The following GARRE1 variants were observed in gnomAD, a reference collection of about 807,000 sequenced individuals.
The protein encoded by GARRE1 is granule associated Rac and RHOG effector 1, also known as granule associated Rac and RHOG effector protein 1.
GARRE1 carries 49 observed loss-of-function variants against 103.2 expected under a neutral mutation model. That is an observed-to-expected ratio of 0.47 (90% confidence interval 0.38 to 0.60). The LOEUF is 0.60. GARRE1 is among the 20% of genes least tolerant of loss of function. GARRE1 has a pLI of 0.00. For missense variants in GARRE1, 1,199 were observed against 1,370.5 expected, an observed-to-expected ratio of 0.87 and a Z score of 1.98; for synonymous variants, 505 against 532.8, an observed-to-expected ratio of 0.95 and a Z score of 0.72.
At chr19:34,348,079 A>G (rs780025055) in intron 11 of GARRE1, 37 bp downstream of exon 11, 1 of 1,384,952 alleles carries the variant, frequency 7.2e-7, no homozygotes, top group Admixed American at 2.8e-5. Flanking sequence ...TGAGCTTGAG[A>G]CCCAGGTGTC....
chr19:34,254,796 G>A (rs981558612), intron 1 of GARRE1, among the ~76,000 whole-genome samples, 182 bp downstream of exon 1: 26 of 149,484 alleles, frequency 1.7e-4, no homozygotes, highest in Admixed American at 4.0e-4. Flanking sequence ...CGCCCGCTGT[G>A]GAGGACGCCG....
intron 3 of GARRE1, among the ~76,000 whole-genome samples, chr19:34,320,560 G>A (rs1216366871): frequency 6.6e-6 from 1 of 152,202 alleles, no homozygotes; most frequent in Non-Finnish European, 1.5e-5. Context: ...GAGCAGGAGT[G>A]TTTGGCAGAC....
At chr19:34,325,384 A>T (rs2074106913) in intron 3 of GARRE1, among the ~76,000 whole-genome samples, 1 of 152,130 alleles carries the variant, frequency 6.6e-6, no homozygotes, top group African/African-American at 2.4e-5. Context: ...CAGGTGGCTC[A>T]GGCGTAGCCT....
intron 3 of GARRE1, among the ~76,000 whole-genome samples, chr19:34,326,781 A>C (rs748516407): frequency 6.6e-6 from 1 of 152,010 alleles, no homozygotes; most frequent in Non-Finnish European, 1.5e-5. Context: ...GAGTATATAC[A>C]CACATATATA....
chr19:34,305,088 G>A (rs1353206950), intron 2 of GARRE1, among the ~76,000 whole-genome samples: 4 of 152,166 alleles, frequency 2.6e-5, no homozygotes, highest in African/African-American at 4.8e-5. Flanking sequence ...CACCGTGCCC[G>A]GCGGGCTTGT....
In GARRE1 at chr19:34,349,028, C is replaced by T. The variant is rs150651317; in HGVS notation, c.2700C>T (p.His900=). The change falls in exon 12 of 14, where the codon CAC becomes CAT. Residue 900 remains histidine (H), a synonymous_variant. Transcript: ENST00000299505. ...PEFFTEGDGL[H]GGWSGAQGDS... is the part of the protein sequence containing the mutation. ...CTCTGGCTTTCAGGGATGGCCTGCA[C>T]GGTGGCTGGTCGGGTGCTCAGGGAG... is the stretch of plus-strand genomic sequence containing the variant. The T allele has an allele frequency of 5.8e-5, 94 of 1,611,024 alleles. No individual in the cohort carries two copies. The highest frequency in any genetic ancestry group is 3.3e-4 in the Middle Eastern group (2 of 6,078).
At chr19:34,305,608 C>T (rs1441908823) in intron 2 of GARRE1, among the ~76,000 whole-genome samples, 1 of 152,164 alleles carries the variant, frequency 6.6e-6, no homozygotes, top group African/African-American at 2.4e-5. Flanking sequence ...GCTTTCCAAC[C>T]CTGGAGGGCA....
chr19:34,307,322 G>A (rs1250278710), intron 2 of GARRE1, among the ~76,000 whole-genome samples: 1 of 152,030 alleles, frequency 6.6e-6, no homozygotes, highest in Non-Finnish European at 1.5e-5. Context: ...TAGCTCCAGG[G>A]CTCTGGTTTT....
intron 2 of GARRE1, among the ~76,000 whole-genome samples, chr19:34,304,003 T>A (rs2073994270): frequency 6.6e-6 from 1 of 152,228 alleles, no homozygotes; most frequent in Admixed American, 6.5e-5. Context: ...GGATGGGGTT[T>A]GGCCGATGGG....
At chr19:34,339,654 A>G (rs1482380270) in intron 8 of GARRE1, among the ~76,000 whole-genome samples, 1 of 152,236 alleles carries the variant, frequency 6.6e-6, no homozygotes, top group African/African-American at 2.4e-5. Context: ...ATATTCTGAT[A>G]TCATGAGACC....
chr19:34,331,242 CAG>C (rs1199536213), intron 7 of GARRE1, among the ~76,000 whole-genome samples: 1 of 152,226 alleles, frequency 6.6e-6, no homozygotes, highest in East Asian at 1.9e-4. Flanking sequence ...AACAAGTTGA[CAG>C]GGCCACTTGA....
Position 34,355,010 on chromosome 19 carries a change from T to TA in GARRE1, c.*2058dup, listed in dbSNP as rs1442867660. On this transcript the variant is annotated 3_prime_UTR_variant, in exon 14 of 14. Transcript: ENST00000299505. ...TCACGGTGTGCACACTAATCTCTGT[T>TA]AAAGTTGTCTATGGCTGTTCTACTT... The TA allele has an allele frequency of 6.5e-6, 1 of 152,708 alleles. No homozygotes were observed. Among genetic ancestry groups the TA allele is most frequent in the Non-Finnish European group, 1.5e-5 (1 of 68,058 alleles). The allele number at this position is 152,708 out of a possible 1,614,324, so 9.5% of individuals were successfully genotyped here.
intron 10 of GARRE1, among the ~76,000 whole-genome samples, chr19:34,344,927 C>A (rs1056557525): frequency 4.6e-5 from 7 of 152,126 alleles, no homozygotes; most frequent in Admixed American, 2.0e-4. Flanking sequence ...CAAGCTCCGC[C>A]TCCCGAGTTC....
chr19:34,327,382 C>T (rs1156349108), intron 3 of GARRE1, 39 bp from the exon 4 acceptor site: 1 of 1,603,744 alleles, frequency 6.2e-7, no homozygotes, highest in Non-Finnish European at 8.5e-7. Context: ...TAGAACTGTA[C>T]CACCCTCTTT....
chr19:34,264,855 C>T (rs149507585), intron 1 of GARRE1, among the ~76,000 whole-genome samples: 2 of 152,292 alleles, frequency 1.3e-5, no homozygotes, highest in Admixed American at 6.5e-5. Flanking sequence ...TAACAATCCT[C>T]GTAATGCAGG....
chr19:34,299,923 G>A lies in GARRE1; in HGVS notation c.-551G>A, dbSNP rs1191887307. On this transcript the variant is annotated 5_prime_UTR_variant, in exon 2 of 14. Transcript: ENST00000299505. ...AGCATTGCATAGAAGCAGCCTTACA[G>A]GTAAACGGATTTGACGGGCAGGCTC... 6.6e-6 allele frequency: 1 copy of A among 152,224 alleles called. No individual in the cohort carries two copies. Among genetic ancestry groups the A allele is most frequent in the East Asian group, 1.9e-4 (1 of 5,202 alleles). The allele number at this position is 152,224 out of a possible 1,614,324, so 9.4% of individuals were successfully genotyped here. A position where few individuals can be genotyped will look rare whatever the true frequency, so the allele number is the denominator to read the frequency against.
chr19:34,324,503 C>G (rs1283736564), intron 3 of GARRE1, among the ~76,000 whole-genome samples: 1 of 135,478 alleles, frequency 7.4e-6, no homozygotes, highest in East Asian at 2.1e-4. Context: ...CACCAGTGCA[C>G]TTTTTTTTTT....
In GARRE1 at chr19:34,256,263, G is replaced by C. The variant is rs946021292; in HGVS notation, c.-796+1649G>C. On this transcript the variant is annotated intron_variant, in intron 1 of 13. Coordinates refer to ENST00000299505, the MANE Select transcript of GARRE1 (RefSeq NM_014686.5). ...GCGATGGCTCATGCCTGTAATCCCA[G>C]CACTTTGGGAGGCCGAGGCGGGCGG... Among the ~76,000 whole-genome samples the C allele has an allele frequency of 2.0e-5, 3 of 151,640 alleles. No individual in the cohort carries two copies. In the South Asian group the frequency reaches 6.3e-4, roughly 32 times the overall value.
At chr19:34,295,948 T>C (rs544548520) in intron 1 of GARRE1, among the ~76,000 whole-genome samples, 1 of 152,356 alleles carries the variant, frequency 6.6e-6, no homozygotes, top group East Asian at 1.9e-4. Context: ...GTTTTTGGCA[T>C]CCTGGTCTAA....
Sources: allele counts gnomAD v4.1 joint callset (sites outside exome capture counted in the v4.1 genomes callset), GRCh38; gene constraint gnomAD v4.1.1; transcripts MANE v1.5; gene names NCBI Gene and HGNC (gene_info 2026-07-23, HGNC 2026-07-21).